CCNY: variants seen among roughly 807,000 people sequenced by gnomAD.
CCNY encodes cyclin Y, also known as cyclin-Y.
CCNY carries 19 observed loss-of-function variants against 42.8 expected under a neutral mutation model. The ratio of observed to expected loss-of-function variants is 0.44; its 90% CI spans 0.31 to 0.65. The LOEUF is 0.65. Among genes scored for constraint, CCNY ranks in the 30% least tolerant of loss-of-function variants. The pLI, the probability that CCNY is intolerant of heterozygous loss-of-function variation, is 0.07. For missense variants in CCNY, 370 were observed against 437.3 expected (o/e 0.85, Z 1.37); for synonymous variants, 165 against 162.7 (o/e 1.01, Z -0.11).
At chr10:35,422,272 G>T (rs1201482753) in intron 1 of CCNY, among the ~76,000 whole-genome samples, 2 of 151,836 alleles carry the variant, frequency 1.3e-5, no homozygotes, top group African/African-American at 4.8e-5. Flanking sequence ...CTTCTATGTG[G>T]CCTCCTTGAT....
intron 7 of CCNY, among the ~76,000 whole-genome samples, chr10:35,532,081 G>A (rs1169534280): frequency 6.6e-6 from 1 of 152,252 alleles, no homozygotes. Context: ...TGCAGCTGGA[G>A]AGGAGCAGCC....
intron 1 of CCNY, among the ~76,000 whole-genome samples, chr10:35,394,199 T>C (rs1837475375): frequency 6.6e-6 from 1 of 152,232 alleles, no homozygotes; most frequent in African/African-American, 2.4e-5. Context: ...CAAGTCTTCC[T>C]CATAGAGACC....
chr10:35,417,443 G>C (rs1838049834), intron 1 of CCNY, among the ~76,000 whole-genome samples: 1 of 152,188 alleles, frequency 6.6e-6, no homozygotes, highest in Non-Finnish European at 1.5e-5. Flanking sequence ...GTATAATGGG[G>C]TCACTAATAG....
intron 1 of CCNY, among the ~76,000 whole-genome samples, chr10:35,395,081 T>A (rs1837494563): frequency 6.6e-6 from 1 of 152,068 alleles, no homozygotes; most frequent in Non-Finnish European, 1.5e-5. Context: ...TAGTTCTAGT[T>A]TATCCTCACT....
chr10:35,508,368 C>G (rs2135398994), intron 3 of CCNY, among the ~76,000 whole-genome samples: 1 of 152,280 alleles, frequency 6.6e-6, no homozygotes, highest in East Asian at 1.9e-4. Flanking sequence ...TCTTTTGATA[C>G]TGGTTTTGTG....
chr10:35,422,064 T>G (rs1838169918), intron 1 of CCNY, among the ~76,000 whole-genome samples: 1 of 152,198 alleles, frequency 6.6e-6, no homozygotes. Flanking sequence ...CACTCTTAAA[T>G]GCTATTCTAT....
At chr10:35,449,565 A>G (rs1319884928) in intron 1 of CCNY, among the ~76,000 whole-genome samples, 1 of 146,812 alleles carries the variant, frequency 6.8e-6, no homozygotes, top group Non-Finnish European at 1.5e-5. Flanking sequence ...TGAGAGCTGT[A>G]GTTCGGTTTT....
At chr10:35,313,978 A>G (rs1005049329) in intron 3 of CCNY, among the ~76,000 whole-genome samples, 28 of 96,932 alleles carry the variant, frequency 2.9e-4, no homozygotes, top group South Asian at 2.3e-3. Flanking sequence ...TTCATCTCGG[A>G]AAAAAAAAAA....
chr10:35,305,840 C>T (rs1377187789), intron 3 of CCNY, among the ~76,000 whole-genome samples: 2 of 152,094 alleles, frequency 1.3e-5, no homozygotes, highest in Non-Finnish European at 2.9e-5. Context: ...GGTAATGTCC[C>T]TGTGGATGGT....
chr10:35,351,427 T>G (rs1430818453), intron 1 of CCNY, among the ~76,000 whole-genome samples: 3 of 152,252 alleles, frequency 2.0e-5, no homozygotes, highest in Non-Finnish European at 4.4e-5. Context: ...TTCTGAAGTT[T>G]AAACAAGCTC....
chr10:35,374,345 T>A (rs1456555207), intron 1 of CCNY, among the ~76,000 whole-genome samples: 1 of 152,210 alleles, frequency 6.6e-6, no homozygotes, highest in East Asian at 1.9e-4. Flanking sequence ...AACACAGATG[T>A]CTCCTCATAG....
At chr10:35,542,877 A>G (rs1420982700) in intron 7 of CCNY, among the ~76,000 whole-genome samples, 1 of 152,214 alleles carries the variant, frequency 6.6e-6, no homozygotes, top group Non-Finnish European at 1.5e-5. Flanking sequence ...AATTGCTGGC[A>G]AATAATAAGT....
intron 3 of CCNY, among the ~76,000 whole-genome samples, chr10:35,331,068 C>T (rs1000207591): frequency 4.6e-5 from 7 of 152,188 alleles, no homozygotes; most frequent in Non-Finnish European, 1.0e-4. Flanking sequence ...TAGAGGTAGC[C>T]TCTTTAGAGA....
At chr10:35,523,361 C>G (rs187297127) in intron 4 of CCNY, among the ~76,000 whole-genome samples, 40 of 152,284 alleles carry the variant, frequency 2.6e-4, no homozygotes, top group Non-Finnish European at 1.3e-4. Flanking sequence ...TGGGGTGATT[C>G]CAGCCTCAGG....
chr10:35,548,361 C>T (rs942268742), intron 7 of CCNY, among the ~76,000 whole-genome samples: 6 of 150,248 alleles, frequency 4.0e-5, no homozygotes, highest in East Asian at 1.9e-4. Flanking sequence ...TGCAGTTTCA[C>T]GATCTTGGCT....
chr10:35,427,363 C>T (rs1838293244), intron 1 of CCNY, among the ~76,000 whole-genome samples: 1 of 152,188 alleles, frequency 6.6e-6, no homozygotes, highest in African/African-American at 2.4e-5. Flanking sequence ...GAGTCCATCC[C>T]ACTCCTGTGG....
intron 2 of CCNY, among the ~76,000 whole-genome samples, chr10:35,491,594 T>G (rs894430256): frequency 6.6e-6 from 1 of 152,168 alleles, no homozygotes; most frequent in East Asian, 1.9e-4. Flanking sequence ...CCTGCCAGCT[T>G]CCTCTCCCTT....
chr10:35,300,927 C>T (rs1454897627), intron 3 of CCNY, among the ~76,000 whole-genome samples: 1 of 152,156 alleles, frequency 6.6e-6, no homozygotes, highest in Admixed American at 6.5e-5. Flanking sequence ...GCCTCAGCCT[C>T]CCAAGTAGCT....
chr10:35,391,549 CT>C (rs1223457287), intron 1 of CCNY, among the ~76,000 whole-genome samples: 2 of 152,158 alleles, frequency 1.3e-5, no homozygotes, highest in Admixed American at 1.3e-4. Context: ...GGAAGTTAAA[CT>C]TTAAAATGGA....
Sources: allele counts gnomAD v4.1 joint callset (sites outside exome capture counted in the v4.1 genomes callset), GRCh38; gene constraint gnomAD v4.1.1; transcripts MANE v1.5; gene names NCBI Gene and HGNC (gene_info 2026-07-23, HGNC 2026-07-21).